Variants in EPC1 observed in about 807,000 individuals in gnomAD.
The protein encoded by EPC1 is enhancer of polycomb 1.
EPC1 carries 12 observed loss-of-function variants against 98.4 expected under a neutral mutation model. The ratio of observed to expected loss-of-function variants is 0.12; its 90% CI spans 0.08 to 0.20. EPC1 has a LOEUF of 0.20. Among genes scored for constraint, EPC1 ranks in the 10% least tolerant of loss-of-function variants. The pLI, the probability that EPC1 is intolerant of heterozygous loss-of-function variation, is 1.00. For synonymous variants in EPC1, 357 were observed against 363.9 expected (o/e 0.98, Z 0.21); for missense variants, 729 against 990.5 (o/e 0.74, Z 3.54).
At chr10:32,328,477 T>C (rs1320494615) in intron 1 of EPC1, among the ~76,000 whole-genome samples, 10 of 152,232 alleles carry the variant, frequency 6.6e-5, no homozygotes, top group Admixed American at 6.5e-4. Flanking sequence ...TTTAAAAGTA[T>C]GCTTAAGTCT....
At chr10:32,299,827 TCTC>T (rs919890579) in intron 2 of EPC1, among the ~76,000 whole-genome samples, 8 of 152,168 alleles carry the variant, frequency 5.3e-5, no homozygotes, top group Non-Finnish European at 8.8e-5. Context: ...GCCATGCAAA[TCTC>T]CTCATCAAAA....
intron 2 of EPC1, among the ~76,000 whole-genome samples, chr10:32,294,403 T>C (rs575661061): frequency 1.4e-4 from 21 of 152,338 alleles, no homozygotes; most frequent in Non-Finnish European, 2.5e-4. Flanking sequence ...CATAGCCTGA[T>C]GGTGATTTTA....
chr10:32,326,048 T>C (rs1837254157), intron 1 of EPC1, among the ~76,000 whole-genome samples: 1 of 152,156 alleles, frequency 6.6e-6, no homozygotes, highest in African/African-American at 2.4e-5. Flanking sequence ...GCTTGATGAA[T>C]TTATACCTCT....
At chr10:32,303,757 CACA>C (rs1835712990) in intron 2 of EPC1, among the ~76,000 whole-genome samples, 1 of 152,216 alleles carries the variant, frequency 6.6e-6, no homozygotes, top group African/African-American at 2.4e-5. Flanking sequence ...TAAAATTACA[CACA>C]ACTACAAACA....
chr10:32,324,462 C>T (rs1469132944), intron 1 of EPC1, among the ~76,000 whole-genome samples: 3 of 151,022 alleles, frequency 2.0e-5, no homozygotes, highest in Middle Eastern at 6.9e-3. Context: ...ACTCGAGATG[C>T]CAGGCTGCAG....
At chr10:32,377,422 A>G (rs1839892325) in intron 1 of EPC1, 1 of 152,228 alleles carries the variant, frequency 6.6e-6, no homozygotes, top group African/African-American at 2.4e-5. Flanking sequence ...ATATAAGGAA[A>G]ATGCAAAATG....
chr10:32,287,666 TAATA>T (rs1564526035), intron 6 of EPC1, among the ~76,000 whole-genome samples: 1 of 152,056 alleles, frequency 6.6e-6, no homozygotes, highest in Non-Finnish European at 1.5e-5. Flanking sequence ...TCTCAACAAA[TAATA>T]AATATAGGAC....
intron 1 of EPC1, among the ~76,000 whole-genome samples, chr10:32,306,589 C>T (rs1835888644): frequency 6.6e-6 from 1 of 152,038 alleles, no homozygotes; most frequent in Non-Finnish European, 1.5e-5. Context: ...TTTGTGACTC[C>T]CGGCAAGAAA....
intron 11 of EPC1, 172 bp downstream of exon 11, chr10:32,272,991 G>C: frequency 3.8e-6 from 6 of 1,599,632 alleles, no homozygotes; most frequent in Non-Finnish European, 5.1e-6. Context: ...ATAGGGAGCA[G>C]AGGCAACAGC....
At chr10:32,366,986 G>A (rs1239929423) in intron 1 of EPC1, among the ~76,000 whole-genome samples, 1 of 151,994 alleles carries the variant, frequency 6.6e-6, no homozygotes, top group Non-Finnish European at 1.5e-5. Flanking sequence ...ACGTATGTAT[G>A]TATGTATGTA....
At chr10:32,360,290 C>G (rs376493880) in intron 1 of EPC1, among the ~76,000 whole-genome samples, 11 of 152,200 alleles carry the variant, frequency 7.2e-5, no homozygotes, top group African/African-American at 2.6e-4. Context: ...TACAAGGAGC[C>G]CTGTTGCCTC....
chr10:32,351,646 G>A (rs754665875), upstream of EPC1, among the ~76,000 whole-genome samples: 2 of 151,586 alleles, frequency 1.3e-5, no homozygotes, highest in Non-Finnish European at 2.9e-5. Context: ...CAATAAGAGC[G>A]AAACTCCATC....
intron 1 of EPC1, among the ~76,000 whole-genome samples, chr10:32,315,606 T>C (rs1836505219): frequency 6.6e-6 from 1 of 152,224 alleles, no homozygotes; most frequent in African/African-American, 2.4e-5. Flanking sequence ...TATTTATGCA[T>C]GTAGAGGGAG....
chr10:32,310,353 T>C (rs1836135806), intron 1 of EPC1, among the ~76,000 whole-genome samples: 1 of 152,216 alleles, frequency 6.6e-6, no homozygotes, highest in African/African-American at 2.4e-5. Context: ...GTGTATTACA[T>C]ACCTACCACG....
intron 1 of EPC1, among the ~76,000 whole-genome samples, chr10:32,321,460 C>T (rs34846900): frequency 0.11 from 16,200 of 151,902 alleles, 951 homozygotes; most frequent in Admixed American, 0.13. Context: ...ACAAGTGATC[C>T]TCCTGCCTCT....
intron 2 of EPC1, among the ~76,000 whole-genome samples, chr10:32,295,374 A>T (rs1406714214): frequency 1.3e-5 from 2 of 152,190 alleles, no homozygotes; most frequent in Non-Finnish European, 2.9e-5. Flanking sequence ...TGGCCTGGGG[A>T]AGTAAAAAAA....
At chr10:32,273,130 G>A in intron 11 of EPC1, 33 bp downstream of exon 11, 10 of 1,614,130 alleles carry the variant, frequency 6.2e-6, no homozygotes, top group Non-Finnish European at 8.5e-6. Flanking sequence ...GGGAAACAAT[G>A]AGGGATAATC....
intron 1 of EPC1, among the ~76,000 whole-genome samples, chr10:32,314,575 G>T (rs573368291): frequency 6.6e-6 from 1 of 152,260 alleles, no homozygotes; most frequent in East Asian, 1.9e-4. Flanking sequence ...AGCAGGAAAT[G>T]CTCCCTTTTC....
intron 1 of EPC1, among the ~76,000 whole-genome samples, chr10:32,371,032 T>C (rs953119901): frequency 6.6e-6 from 1 of 152,216 alleles, no homozygotes; most frequent in Non-Finnish European, 1.5e-5. Flanking sequence ...TATAATGGCT[T>C]CTGAGGATAG....
Sources: allele counts gnomAD v4.1 joint callset (sites outside exome capture counted in the v4.1 genomes callset), GRCh38; gene constraint gnomAD v4.1.1; transcripts MANE v1.5; gene names NCBI Gene and HGNC (gene_info 2026-07-23, HGNC 2026-07-21).